PCDH10: variants seen among roughly 807,000 people sequenced by gnomAD.
PCDH10 encodes the protein protocadherin-10.
Under a neutral mutation model 74.4 loss-of-function variants are expected in PCDH10, and 15 were observed. The ratio of observed to expected loss-of-function variants is 0.20; its 90% CI spans 0.13 to 0.31. The LOEUF is 0.31. PCDH10 is among the 10% of genes least tolerant of loss of function. The pLI is 1.00. For missense variants in PCDH10, 1,260 were observed against 1,390.2 expected (o/e 0.91, Z 1.49); for synonymous variants, 619 against 589.8 (o/e 1.05, Z -0.72).
At chr4:133,195,885 C>T (rs551016858), downstream of PCDH10, among the ~76,000 whole-genome samples, 23 of 152,184 alleles carry the variant, frequency 1.5e-4, no homozygotes, top group South Asian at 4.1e-3. Flanking sequence ...CTGTGAATCA[C>T]TCCCCAAAAT....
intron 3 of PCDH10, among the ~76,000 whole-genome samples, chr4:133,155,737 A>G (rs1224565987): frequency 1.3e-5 from 2 of 152,164 alleles, no homozygotes; most frequent in Non-Finnish European, 2.9e-5. Context: ...TCAATGTGCT[A>G]TATATTCATT....
In PCDH10 at chr4:133,193,486, A is replaced by G. The variant is rs2125875110; in HGVS notation, c.*3326A>G. 1 of 151,780 alleles carries G rather than the reference A, an allele frequency of 6.6e-6. No homozygotes were observed. The highest frequency in any genetic ancestry group is 1.9e-4 in the East Asian group (1 of 5,174). 9.4% of individuals were successfully genotyped at this position (151,780 alleles called of 1,614,324 possible). Reference sequence around the variant, plus strand: ...GCTATCTTGCTTCTTCAATAAGAGGAGGAAAAAGAATCTCACAATTCCCAA... The same window carrying G: ...GCTATCTTGCTTCTTCAATAAGAGGGGGAAAAAGAATCTCACAATTCCCAA... On this transcript the variant is annotated 3_prime_UTR_variant, in exon 5 of 5. Coordinates refer to ENST00000264360, the MANE Select transcript of PCDH10 (RefSeq NM_032961.3).
Position 133,150,628 on chromosome 4 carries a change from C to A in PCDH10, c.488C>A (p.Pro163His). 2 of 1,613,400 alleles carry A rather than the reference C, an allele frequency of 1.2e-6. No homozygotes were observed. The highest frequency in any genetic ancestry group is 2.7e-5 in the African/African-American group (2 of 74,976). The change falls in exon 1 of 5, where the codon CCC becomes CAC. Residue 163 changes from proline (P) to histidine (H), a missense_variant. Around this residue, in one of 11 missense-constraint regions of PCDH10, gnomAD observed 35 missense variants for 29.1 expected, o/e 1.20. Coordinates refer to ENST00000264360, the MANE Select transcript of PCDH10 (RefSeq NM_032961.3). ...TNSLRDYEIT[P>H]NSYFSLDVQT... ...TCCTTGCGCGACTACGAGATCACCCCCAACAGCTACTTCTCCCTGGACGTG... is the reference window on the plus strand; with the variant it reads ...TCCTTGCGCGACTACGAGATCACCCACAACAGCTACTTCTCCCTGGACGTG...
chr4:133,187,062 T>A (rs1296318778), intron 4 of PCDH10, among the ~76,000 whole-genome samples: 1 of 152,094 alleles, frequency 6.6e-6, no homozygotes, highest in East Asian at 1.9e-4. Context: ...CGTAGAAGGT[T>A]TGAAATAAAG....
intron 4 of PCDH10, among the ~76,000 whole-genome samples, chr4:133,184,780 A>ATC (rs1727503468): frequency 7.2e-6 from 1 of 138,506 alleles, no homozygotes; most frequent in Admixed American, 7.5e-5. Context: ...ATAAATATAT[A>ATC]TATAAATATA....
chr4:133,196,000 A>G (rs1727787902), downstream of PCDH10, among the ~76,000 whole-genome samples: 1 of 152,172 alleles, frequency 6.6e-6, no homozygotes, highest in South Asian at 2.1e-4. Flanking sequence ...TCTGAATCTT[A>G]ATCTTTTACC....
At chr4:133,188,680 T>A (rs1050560778) in intron 4 of PCDH10, among the ~76,000 whole-genome samples, 4 of 142,544 alleles carry the variant, frequency 2.8e-5, no homozygotes, top group African/African-American at 1.1e-4. Context: ...TTTTTTTTTT[T>A]TTTTTTTTTT....
intron 4 of PCDH10, among the ~76,000 whole-genome samples, chr4:133,168,290 A>G (rs1727129428): frequency 6.6e-6 from 1 of 151,380 alleles, no homozygotes; most frequent in African/African-American, 2.4e-5. Context: ...TCACTTCTGT[A>G]AGCAATTTTT....
In PCDH10 at chr4:133,206,892, T is replaced by G. The variant is rs1399448129; in HGVS notation, n.438-1184T>G. ...ATGTGGGATTCTCTTCAGTAGATTT[T>G]TTATTGCTGTTGTTAGGGCTATATA... On this transcript the variant is annotated intron_variant and non_coding_transcript_variant, in intron 2 of 2. Transcript: ENST00000511112. Among the ~76,000 whole-genome samples the G allele has an allele frequency of 2.6e-5, 4 of 152,308 alleles. No individual in the cohort carries two copies. In the East Asian group the frequency reaches 7.7e-4, roughly 29 times the overall value.
rs1256829159 is a variant in PCDH10, at chr4:133,170,778, C to T, written c.3103+7496C>T. On this transcript the variant is annotated intron_variant, in intron 4 of 4. Coordinates refer to ENST00000264360, the MANE Select transcript of PCDH10 (RefSeq NM_032961.3). The stretch of plus-strand genomic sequence containing the variant: ...TGCGATCTTGGCTCACTGCCACCTC[C>T]ACCTCCCGGGTTCGAGCGATTTTCC... 3.9e-5 allele frequency among the ~76,000 whole-genome samples: 6 copies of T among 152,180 alleles called. No individual in the cohort carries two copies. The East Asian group carries it at 1.2e-3, about 30-fold the overall frequency.
intron 4 of PCDH10, chr4:133,164,171 G>T (rs1040420211): frequency 5.3e-5 from 17 of 320,102 alleles, no homozygotes; most frequent in Admixed American, 3.4e-4. Context: ...CATTTGTTTT[G>T]CTTTATTTTT....
At chr4:133,195,724 A>G (rs1727782724), downstream of PCDH10, among the ~76,000 whole-genome samples, 1 of 152,144 alleles carries the variant, frequency 6.6e-6, no homozygotes, top group Non-Finnish European at 1.5e-5. Context: ...GCCCTAGATT[A>G]TAACATAAAA....
chr4:133,203,473 C>T (rs1230756299), intron 2 of PCDH10, among the ~76,000 whole-genome samples: 1 of 152,236 alleles, frequency 6.6e-6, no homozygotes, highest in South Asian at 2.1e-4. Context: ...TTTTAAATAA[C>T]ACCTATGCTA....
Position 133,152,326 on chromosome 4 carries a change from T to C in PCDH10, c.2186T>C (p.Phe729Ser). 6.2e-7 allele frequency: 1 copy of C among 1,614,128 alleles called. No individual in the cohort carries two copies. Among genetic ancestry groups the C allele is most frequent in the Non-Finnish European group, 8.5e-7 (1 of 1,180,036 alleles). Residue 729 changes from phenylalanine to serine, a missense_variant, in exon 1 of 5, where the codon TTC becomes TCC. By Grantham distance (155) the Phe-to-Ser change is radical. Coordinates refer to ENST00000264360, the MANE Select transcript of PCDH10 (RefSeq NM_032961.3). Reference sequence around the variant, plus strand: ...GCGTTGGGCTCGGTGTCCTTCATCTTCCTGCTGGCCATGATCGTGCTGGCC... The same window carrying C: ...GCGTTGGGCTCGGTGTCCTTCATCTCCCTGCTGGCCATGATCGTGCTGGCC... ...IIALGSVSFI[F>S]LLAMIVLAVR...
chr4:133,173,168 A>G (rs1182133475), intron 4 of PCDH10, among the ~76,000 whole-genome samples: 12 of 151,996 alleles, frequency 7.9e-5, no homozygotes, highest in Non-Finnish European at 1.5e-4. Context: ...ATGATGCTTA[A>G]AGGAAATTTT....
At chr4:133,156,140 T>G (rs1476309466) in intron 3 of PCDH10, among the ~76,000 whole-genome samples, 2 of 152,232 alleles carry the variant, frequency 1.3e-5, no homozygotes, top group Non-Finnish European at 2.9e-5. Flanking sequence ...CACCCATTCC[T>G]TAACACACTT....
chr4:133,165,320 C>T lies in PCDH10; in HGVS notation c.3103+2038C>T, dbSNP rs567736210. ...AGACTGGTTTTTTTTTTTAATTTAA[C>T]TTTTAGTATTTAATGTCATCTTAGA... On this transcript the variant is annotated intron_variant, in intron 4 of 4. Coordinates refer to ENST00000264360, the MANE Select transcript of PCDH10 (RefSeq NM_032961.3). Among the ~76,000 whole-genome samples the T allele has an allele frequency of 8.1e-5, 12 of 148,526 alleles. No individual in the cohort carries two copies. In the South Asian group the frequency reaches 2.5e-3, roughly 30 times the overall value.
chr4:133,162,905 T>G (rs1272088182), intron 3 of PCDH10, 72 bp from the exon 4 acceptor site: 1 of 1,310,302 alleles, frequency 7.6e-7, no homozygotes, highest in African/African-American at 1.5e-5. Context: ...ATGCTACCTG[T>G]AATCTTACAC....
intron 2 of PCDH10, among the ~76,000 whole-genome samples, chr4:133,204,089 G>A (rs1447739590): frequency 2.0e-5 from 3 of 152,120 alleles, no homozygotes; most frequent in Non-Finnish European, 2.9e-5. Flanking sequence ...TTGACCATGG[G>A]CTGCCATAGA....
Sources: gnomAD v4.1 joint callset for allele counts (sites outside exome capture counted in the v4.1 genomes callset) on GRCh38, gnomAD v4.1.1 for gene constraint, gnomAD v4.1.1 regional missense constraint, MANE v1.5 for transcripts, NCBI Gene and HGNC (gene_info 2026-07-23, HGNC 2026-07-21) for gene names.